MKNK1: variants seen among roughly 807,000 people sequenced by gnomAD.
MKNK1 encodes MAPK interacting serine/threonine kinase 1, also known as MAP kinase-interacting serine/threonine-protein kinase 1.
MKNK1 carries 30 observed loss-of-function variants against 49.3 expected under a neutral mutation model. The observed-to-expected ratio is 0.61, with a 90% CI of 0.46 to 0.83. The LOEUF is 0.83. Among genes scored for constraint, MKNK1 ranks in the 40% least tolerant of loss-of-function variants. MKNK1 has a pLI of 0.00. For synonymous variants in MKNK1, 176 were observed against 201.7 expected, an observed-to-expected ratio of 0.87 and a Z score of 1.08; for missense variants, 423 against 524.7, an observed-to-expected ratio of 0.81 and a Z score of 1.89.
At position 46,572,111 on chromosome 1, in the gene MKNK1, G is replaced by T; in HGVS notation, c.409C>A (p.Arg137=). Residue 137 remains arginine, a synonymous_variant, in exon 7 of 13, where the codon CGA becomes AGA. Coordinates refer to ENST00000371945, the MANE Select transcript of MKNK1 (RefSeq NM_001135553.4). ...QKHFNEREAS[R]VVRDVAAALD... ...GCAGCAGCAACGTCCCGCACCACTC[G>T]GCTGGCTTCTCGCTCATTGAAGTGC... The T allele has an allele frequency of 3.1e-6, 5 of 1,614,172 alleles. No individual in the cohort carries two copies. Among genetic ancestry groups the T allele is most frequent in the Non-Finnish European group, 3.4e-6 (4 of 1,180,018 alleles).
chr1:46,582,730 T>A, intron 3 of MKNK1: 1 of 377,252 alleles, frequency 2.7e-6, no homozygotes, highest in Non-Finnish European at 5.3e-6. Context: ...TCGTTTCTAC[T>A]GAACACAACA....
intron 2 of MKNK1, chr1:46,593,909 T>C: frequency 2.2e-6 from 1 of 452,388 alleles, no homozygotes. Flanking sequence ...ATGTTTTCCT[T>C]ATGACCCTTC....
chr1:46,585,846 G>T, intron 2 of MKNK1: 1 of 1,178,224 alleles, frequency 8.5e-7, no homozygotes, highest in Non-Finnish European at 1.2e-6. Flanking sequence ...AGATTTTATG[G>T]CTTCACACAC....
intron 2 of MKNK1, among the ~76,000 whole-genome samples, chr1:46,583,848 A>G (rs1408824741): frequency 6.6e-6 from 1 of 151,472 alleles, no homozygotes; most frequent in African/African-American, 2.4e-5. Context: ...GAAGGTAGCA[A>G]TAGGGCTGGG....
rs947530812 is a variant in MKNK1 at position 46,594,148 on chromosome 1, T to C, written c.-38A>G. 4 of 1,611,920 alleles carry C rather than the reference T, an allele frequency of 2.5e-6. No individual in the cohort carries two copies. The highest frequency in any genetic ancestry group is 1.3e-5 in the African/African-American group (1 of 74,894). ...TTCCAACTTTTGAGAAGATACCATC[T>C]GTAAACTTGAAATCCCAAATGAAAT... On this transcript the variant is annotated 5_prime_UTR_variant, in exon 2 of 13. Transcript: ENST00000371945.
At chr1:46,573,485 C>T (rs1670501779) in intron 6 of MKNK1, among the ~76,000 whole-genome samples, 1 of 152,128 alleles carries the variant, frequency 6.6e-6, no homozygotes, top group African/African-American at 2.4e-5. Context: ...CATTTCTGGG[C>T]TGAAGGTATT....
intron 1 of MKNK1, among the ~76,000 whole-genome samples, chr1:46,597,529 A>G (rs932141078): frequency 6.6e-6 from 1 of 152,174 alleles, no homozygotes; most frequent in African/African-American, 2.4e-5. Flanking sequence ...GCCTCCATCA[A>G]CTTGTCCCAG....
chr1:46,586,064 A>C (rs1672523169), intron 2 of MKNK1: 1 of 519,526 alleles, frequency 1.9e-6, no homozygotes, highest in African/African-American at 2.0e-5. Context: ...GAGGTGTCAT[A>C]ATCTCACCAA....
intron 11 of MKNK1, among the ~76,000 whole-genome samples, chr1:46,561,248 T>C (rs1667911167): frequency 1.3e-5 from 2 of 152,180 alleles, no homozygotes; most frequent in Non-Finnish European, 2.9e-5. Context: ...GAGGACTCTG[T>C]TGGGGCTTAG....
chr1:46,576,919 C>T (rs1172233268), intron 4 of MKNK1, among the ~76,000 whole-genome samples: 1 of 152,210 alleles, frequency 6.6e-6, no homozygotes, highest in Non-Finnish European at 1.5e-5. Context: ...CCCCCAGCTG[C>T]CCAGGGGAGA....
At position 46,565,072 on chromosome 1, in the gene MKNK1, G is replaced by T; in HGVS notation, c.578C>A (p.Thr193Asn). Reference protein sequence around the residue: ...GSGMKLNNSCTPITTPELTTP... With the variant: ...GSGMKLNNSCNPITTPELTTP... ...GGTCAGCTCTGGTGTGGTTATGGGG[G>T]TACAGGAGTTGTTCAGTTTCATCCC... Residue 193 changes from threonine to asparagine, a missense_variant, in exon 9 of 13, where the codon ACC becomes AAC. Transcript: ENST00000371945. The T allele has an allele frequency of 6.2e-7, 1 of 1,614,178 alleles. No individual in the cohort carries two copies. Among genetic ancestry groups the T allele is most frequent in the Non-Finnish European group, 8.5e-7 (1 of 1,180,016 alleles).
intron 5 of MKNK1, chr1:46,576,302 T>G (rs557694487): frequency 2.0e-5 from 7 of 348,566 alleles, no homozygotes; most frequent in Admixed American, 9.0e-5. Flanking sequence ...AAAACCCCAT[T>G]TCCCCCCAAC....
At chr1:46,585,142 C>T (rs1197987070) in intron 2 of MKNK1, among the ~76,000 whole-genome samples, 5 of 150,522 alleles carry the variant, frequency 3.3e-5, no homozygotes, top group Admixed American at 1.3e-4. Flanking sequence ...GCCAGCTACT[C>T]GGGAGGCTGA....
rs1211421709 is a variant in MKNK1, at chr1:46,589,795, C to G, written c.-3+4318G>C. The stretch of plus-strand genomic sequence containing the variant: ...TCCAGAAAGTGACCTCGAGGCCCAC[C>G]CTCTGGAAGAACTGTGTTACTTCTC... On this transcript the variant is annotated intron_variant, in intron 2 of 12. Transcript: ENST00000371945. This position sits in a 1 kb window ranked among gnomAD's most constrained non-coding sequence, Gnocchi z 4.3. Among the ~76,000 whole-genome samples, 1 of 152,106 alleles carries G rather than the reference C, an allele frequency of 6.6e-6. No individual in the cohort carries two copies. The highest frequency in any genetic ancestry group is 1.5e-5 in the Non-Finnish European group (1 of 68,028).
chr1:46,580,589 C>T lies in MKNK1; in HGVS notation c.139G>A (p.Ala47Thr). Reference sequence around the variant, plus strand: ...ACGGCACCTTGAACTTTGGCATAGGCTCCCTCTCCAAGCAATTCAGAGGTC... The same window carrying T: ...ACGGCACCTTGAACTTTGGCATAGGTTCCCTCTCCAAGCAATTCAGAGGTC... Reference protein sequence around the residue: ...KLTSELLGEGAYAKVQGAVSL... With the variant: ...KLTSELLGEGTYAKVQGAVSL... The change falls in exon 4 of 13, where the codon GCC becomes ACC. Residue 47 changes from alanine (A) to threonine (T), a missense_variant. Coordinates refer to ENST00000371945, the MANE Select transcript of MKNK1 (RefSeq NM_001135553.4). The T allele has an allele frequency of 2.5e-6, 4 of 1,614,096 alleles. No homozygotes were observed. Among genetic ancestry groups the T allele is most frequent in the Non-Finnish European group, 3.4e-6 (4 of 1,179,956 alleles).
chr1:46,578,891 G>A (rs1671359295), intron 4 of MKNK1, among the ~76,000 whole-genome samples: 1 of 152,024 alleles, frequency 6.6e-6, no homozygotes, highest in African/African-American at 2.4e-5. Flanking sequence ...AGGTAGCTGG[G>A]ATTACAGGAA....
intron 2 of MKNK1, among the ~76,000 whole-genome samples, chr1:46,590,109 G>A (rs1316364689): frequency 6.6e-6 from 1 of 152,172 alleles, no homozygotes; most frequent in Non-Finnish European, 1.5e-5. Flanking sequence ...AAGCAGAGAA[G>A]TGTAATTACC....
chr1:46,568,551 C>T, intron 7 of MKNK1, 53 bp from the exon 8 acceptor site: 3 of 1,499,286 alleles, frequency 2.0e-6, no homozygotes, highest in Non-Finnish European at 2.8e-6. Context: ...AATTATCAAA[C>T]ATTCCACACA....
At chr1:46,587,036 C>T (rs1171437306) in intron 2 of MKNK1, among the ~76,000 whole-genome samples, 1 of 152,244 alleles carries the variant, frequency 6.6e-6, no homozygotes, top group Non-Finnish European at 1.5e-5. Context: ...TCTCAAACTC[C>T]TGACCTCAGG....
Sources: allele counts gnomAD v4.1 joint callset (sites outside exome capture counted in the v4.1 genomes callset), GRCh38; gene constraint gnomAD v4.1.1; non-coding constraint Gnocchi (gnomAD v3.1); transcripts MANE v1.5; gene names NCBI Gene and HGNC (gene_info 2026-07-23, HGNC 2026-07-21).